Variants in MFHAS1 observed in about 807,000 individuals in gnomAD.
The protein encoded by MFHAS1 is malignant fibrous histiocytoma-amplified sequence 1.
A neutral mutation model predicts 70.4 loss-of-function variants in MFHAS1; 50 were observed. The observed-to-expected ratio is 0.71, with a 90% CI of 0.57 to 0.90. The LOEUF (loss-of-function observed/expected upper bound fraction) is 0.90. MFHAS1 is among the 40% of genes least tolerant of loss of function. MFHAS1 has a pLI of 0.00. For synonymous variants in MFHAS1, 952 were observed against 620.0 expected, an observed-to-expected ratio of 1.54 and a Z score of -7.96; for missense variants, 1,795 against 1,347.6, an observed-to-expected ratio of 1.33 and a Z score of -5.20.
At chr8:8,844,590 G>A (rs916720977) in intron 1 of MFHAS1, among the ~76,000 whole-genome samples, 15 of 152,126 alleles carry the variant, frequency 9.9e-5, no homozygotes, top group African/African-American at 3.4e-4. Flanking sequence ...CCACCTTCTC[G>A]GGCATAAACG....
intron 2 of MFHAS1, among the ~76,000 whole-genome samples, chr8:8,796,906 G>A (rs1011342129): frequency 6.6e-6 from 1 of 151,224 alleles, no homozygotes; most frequent in African/African-American, 2.4e-5. Context: ...TGAGGCAGGA[G>A]AATGGGGTGA....
chr8:8,861,490 G>C (rs1235131407), intron 1 of MFHAS1, among the ~76,000 whole-genome samples: 1 of 152,100 alleles, frequency 6.6e-6, no homozygotes, highest in Non-Finnish European at 1.5e-5. Flanking sequence ...TAATCACAAG[G>C]TATATACCAA....
chr8:8,887,542 T>C (rs937634137), intron 1 of MFHAS1, among the ~76,000 whole-genome samples: 1 of 150,560 alleles, frequency 6.6e-6, no homozygotes, highest in East Asian at 1.9e-4. Flanking sequence ...GGTGTATATA[T>C]ACATATATAT....
At chr8:8,827,455 T>A (rs1245525935) in intron 1 of MFHAS1, among the ~76,000 whole-genome samples, 1 of 152,244 alleles carries the variant, frequency 6.6e-6, no homozygotes, top group Non-Finnish European at 1.5e-5. Flanking sequence ...CACATCCAAT[T>A]TCACAGATGA....
intron 2 of MFHAS1, among the ~76,000 whole-genome samples, chr8:8,789,096 C>A (rs1563173916): frequency 6.6e-6 from 1 of 151,674 alleles, no homozygotes; most frequent in Non-Finnish European, 1.5e-5. Context: ...AGCTGAGACT[C>A]AGTCACAGGA....
chr8:8,835,977 T>C (rs1047693681), intron 1 of MFHAS1, among the ~76,000 whole-genome samples: 3 of 152,264 alleles, frequency 2.0e-5, no homozygotes, highest in Non-Finnish European at 4.4e-5. Flanking sequence ...AGGTAGGTGG[T>C]TGCCACACAG....
intron 1 of MFHAS1, among the ~76,000 whole-genome samples, chr8:8,859,000 A>G (rs929748861): frequency 3.9e-5 from 6 of 152,236 alleles, no homozygotes; most frequent in African/African-American, 7.2e-5. Context: ...ATATGCACAC[A>G]CATACACACA....
At chr8:8,790,231 C>T (rs949059133) in intron 2 of MFHAS1, 14 of 243,320 alleles carry the variant, frequency 5.8e-5, no homozygotes, top group African/African-American at 3.0e-4. Context: ...AAAATCTCTT[C>T]ATCCCAACAC....
chr8:8,831,651 T>C (rs1465606573), intron 1 of MFHAS1, among the ~76,000 whole-genome samples: 1 of 150,648 alleles, frequency 6.6e-6, no homozygotes, highest in Non-Finnish European at 1.5e-5. Flanking sequence ...TCTCACTCGG[T>C]CGCCCAGGCT....
intron 1 of MFHAS1, among the ~76,000 whole-genome samples, chr8:8,884,534 A>G (rs1356506773): frequency 6.6e-6 from 1 of 152,234 alleles, no homozygotes; most frequent in Non-Finnish European, 1.5e-5. Flanking sequence ...TTCAAGGGTA[A>G]GACCAGTCAT....
intron 1 of MFHAS1, among the ~76,000 whole-genome samples, chr8:8,827,368 C>G (rs1807201442): frequency 6.6e-6 from 1 of 152,198 alleles, no homozygotes; most frequent in Non-Finnish European, 1.5e-5. Flanking sequence ...TAGAAATGCC[C>G]TTCAACAGCA....
chr8:8,850,693 C>G (rs185110402), intron 1 of MFHAS1, among the ~76,000 whole-genome samples: 1 of 151,812 alleles, frequency 6.6e-6, no homozygotes, highest in Non-Finnish European at 1.5e-5. Context: ...AAATTAGCCT[C>G]GCTTGGTGGC....
chr8:8,879,934 T>A (rs1424193975), intron 1 of MFHAS1, among the ~76,000 whole-genome samples: 1 of 152,190 alleles, frequency 6.6e-6, no homozygotes, highest in Non-Finnish European at 1.5e-5. Flanking sequence ...TGCCAGTCAT[T>A]CCAGGAGTTA....
intron 2 of MFHAS1, among the ~76,000 whole-genome samples, chr8:8,795,478 C>G (rs973343707): frequency 2.6e-5 from 4 of 152,284 alleles, no homozygotes; most frequent in African/African-American, 9.6e-5. Context: ...GTCTTAGGGT[C>G]AGTGATAAAT....
At chr8:8,849,487 G>A (rs1297401410) in intron 1 of MFHAS1, among the ~76,000 whole-genome samples, 3 of 152,210 alleles carry the variant, frequency 2.0e-5, no homozygotes, top group South Asian at 4.1e-4. Context: ...TAATGTGTGT[G>A]CACTTACACG....
chr8:8,883,032 AG>A (rs1809590281), intron 1 of MFHAS1, among the ~76,000 whole-genome samples: 1 of 152,126 alleles, frequency 6.6e-6, no homozygotes, highest in East Asian at 1.9e-4. Flanking sequence ...GCACCCCTGT[AG>A]TCCCAGCTAT....
chr8:8,880,903 T>C (rs1410041701), intron 1 of MFHAS1, among the ~76,000 whole-genome samples: 1 of 152,120 alleles, frequency 6.6e-6, no homozygotes, highest in Non-Finnish European at 1.5e-5. Flanking sequence ...CAACCTGTTC[T>C]CGAACTCCTG....
rs140715667 is a variant in MFHAS1, at chr8:8,825,602, G to A, written c.2999-28111C>T. Among the ~76,000 whole-genome samples, 164 of 152,222 alleles carry A rather than the reference G, an allele frequency of 1.1e-3. 1 individual carries two copies. Among genetic ancestry groups the A allele is most frequent in the African/African-American group, 3.5e-3 (146 of 41,522 alleles). On this transcript the variant is annotated intron_variant, in intron 1 of 2. Transcript: ENST00000276282. ...GGCTGCCTTCTCCCGGTGTCTTCAC[G>A]TGGCCTTCCCTCTGAGGATGTTTGG...
rs1313174091 is a variant in MFHAS1 at position 8,892,938 on chromosome 8, G to A, written c.121C>T (p.Pro41Ser). The A allele has an allele frequency of 1.9e-6, 3 of 1,547,438 alleles. No homozygotes were observed. The highest frequency in any genetic ancestry group is 1.2e-5 in the South Asian group (1 of 83,830). The part of the protein sequence containing the change: ...QLTLTAAGAC[P>S]GAGADALESP... ...TCGAGCGCGTCGGCCCCGGCCCCGG[G>A]GCAGGCCCCGGCGGCGGTAAGCGTG... is the stretch of plus-strand genomic sequence containing the variant. The change falls in exon 1 of 3, where the codon CCC (proline) becomes TCC (serine). Residue 41 changes from proline (P) to serine (S), a missense_variant. Coordinates refer to ENST00000276282, the MANE Select transcript of MFHAS1 (RefSeq NM_004225.3). The surrounding 1 kb of genome is among the most constrained non-coding windows in gnomAD (Gnocchi z 4.7).
Sources: allele counts gnomAD v4.1 joint callset (sites outside exome capture counted in the v4.1 genomes callset), GRCh38; gene constraint gnomAD v4.1.1; non-coding constraint Gnocchi (gnomAD v3.1); transcripts MANE v1.5; gene names NCBI Gene and HGNC (gene_info 2026-07-23, HGNC 2026-07-21).